The following REEP5 variants were observed in gnomAD, a reference collection of about 807,000 sequenced individuals.
REEP5 encodes receptor accessory protein 5, also known as receptor expression-enhancing protein 5.
Under a neutral mutation model 22.4 loss-of-function variants are expected in REEP5, and 24 were observed. The ratio of observed to expected loss-of-function variants is 1.07; its 90% confidence interval spans 0.78 to 1.51. The LOEUF is 1.51. Among genes scored for constraint, REEP5 ranks in the 40% most tolerant of loss-of-function variants. The pLI is 0.00. For synonymous variants in REEP5, 103 were observed against 88.6 expected, an observed-to-expected ratio of 1.16 and a Z score of -0.92; for missense variants, 252 against 233.0, an observed-to-expected ratio of 1.08 and a Z score of -0.53.
intron 2 of REEP5, among the ~76,000 whole-genome samples, chr5:112,916,229 A>G (rs1248680081): frequency 6.6e-6 from 1 of 152,214 alleles, no homozygotes; most frequent in Non-Finnish European, 1.5e-5. Context: ...TAACTGTGTT[A>G]CAACTCTTGT....
intron 4 of REEP5, chr5:112,885,238 T>C: frequency 6.0e-6 from 1 of 166,976 alleles, no homozygotes; most frequent in South Asian, 1.2e-4. Flanking sequence ...GAGAAGGCAC[T>C]GAGGAGGAAA....
At chr5:112,920,083 G>C (rs1010922270) in intron 2 of REEP5, among the ~76,000 whole-genome samples, 1 of 152,156 alleles carries the variant, frequency 6.6e-6, no homozygotes, top group South Asian at 2.1e-4. Context: ...AGCAGAGCCC[G>C]GGGTAGGCCT....
At chr5:112,896,978 G>T (rs1368921875) in intron 3 of REEP5, 1 of 151,984 alleles carries the variant, frequency 6.6e-6, no homozygotes, top group Non-Finnish European at 1.5e-5. Flanking sequence ...GGTAAACAGA[G>T]GATACAAAGA....
intron 3 of REEP5, chr5:112,893,932 G>C (rs1208626003): frequency 2.0e-4 from 30 of 151,488 alleles, no homozygotes; most frequent in Admixed American, 2.0e-3. Flanking sequence ...CAGAGGTTCA[G>C]AACCTTGGTT....
intron 4 of REEP5, among the ~76,000 whole-genome samples, chr5:112,882,937 C>A (rs1370926785): frequency 6.6e-6 from 1 of 152,168 alleles, no homozygotes; most frequent in African/African-American, 2.4e-5. Context: ...TCACAGCATA[C>A]CATAAAACCT....
At position 112,884,312 on chromosome 5, in the gene REEP5, C is replaced by T. The variant is rs61431998; in HGVS notation, c.520+2703G>A. On this transcript the variant is annotated intron_variant, in intron 4 of 4. Coordinates refer to ENST00000379638, the MANE Select transcript of REEP5 (RefSeq NM_005669.5). ...CCTCTAGATCACTTCTTTTGTTGCTCCCACCTCCGGACTTCTGTATATGCA... is the reference window on the plus strand; with the variant it reads ...CCTCTAGATCACTTCTTTTGTTGCTTCCACCTCCGGACTTCTGTATATGCA... Among the ~76,000 whole-genome samples the T allele has an allele frequency of 6.6e-3, 1,005 of 152,236 alleles. 14 individuals carry two copies. The highest frequency in any genetic ancestry group is 0.023 in the African/African-American group (954 of 41,516).
chr5:112,885,320 T>C, intron 4 of REEP5: 1 of 174,402 alleles, frequency 5.7e-6, no homozygotes, highest in South Asian at 1.0e-4. Context: ...CAGCAAGTGG[T>C]AGATTTAGAA....
intron 2 of REEP5, among the ~76,000 whole-genome samples, chr5:112,908,092 TTG>T (rs796793565): frequency 3.4e-5 from 3 of 89,202 alleles, no homozygotes; most frequent in Admixed American, 1.1e-4. Context: ...GAGACTTTCT[TTG>T]TTTTTTGTTT....
chr5:112,913,024 CCGGGCACAGTGGCTCAT>C (rs1769139956), intron 2 of REEP5, among the ~76,000 whole-genome samples: 1 of 152,184 alleles, frequency 6.6e-6, no homozygotes, highest in Non-Finnish European at 1.5e-5. Flanking sequence ...GAAAGACTGA[CCGGGCACAGTGGCTCAT>C]GTCTGTAATC....
At chr5:112,892,464 A>G (rs201107809) in intron 3 of REEP5, 22 of 1,614,044 alleles carry the variant, frequency 1.4e-5, no homozygotes, top group African/African-American at 8.0e-5. Flanking sequence ...GGGGCAATGT[A>G]TATGTTCAGT....
chr5:112,891,320 A>G (rs1768437970), intron 3 of REEP5, among the ~76,000 whole-genome samples: 1 of 152,016 alleles, frequency 6.6e-6, no homozygotes, highest in Admixed American at 6.6e-5. Context: ...TGATCCGCCC[A>G]TTTCGGCCTC....
At chr5:112,917,132 G>A (rs1017936753) in intron 2 of REEP5, among the ~76,000 whole-genome samples, 5 of 152,190 alleles carry the variant, frequency 3.3e-5, no homozygotes, top group African/African-American at 1.2e-4. Context: ...CTGGACTCTC[G>A]TCTTGAACTC....
At chr5:112,891,541 A>G in intron 3 of REEP5, 1 of 1,487,772 alleles carries the variant, frequency 6.7e-7, no homozygotes, top group Non-Finnish European at 9.1e-7. Flanking sequence ...AACATAAAAT[A>G]TTCATAAGTA....
At chr5:112,879,433 G>A (rs145948533) in intron 4 of REEP5, among the ~76,000 whole-genome samples, 3 of 151,956 alleles carry the variant, frequency 2.0e-5, no homozygotes, top group East Asian at 3.9e-4. Context: ...GGCATACATA[G>A]TATTTCCATA....
chr5:112,897,229 CAG>C (rs1768712425), intron 3 of REEP5: 1 of 152,066 alleles, frequency 6.6e-6, no homozygotes, highest in Admixed American at 6.6e-5. Context: ...CACATACACA[CAG>C]AGTTCTGTTT....
intron 3 of REEP5, 145 bp from the exon 4 acceptor site, chr5:112,887,328 A>G: frequency 1.4e-6 from 1 of 735,580 alleles, no homozygotes; most frequent in Non-Finnish European, 2.0e-6. Flanking sequence ...TGCAGGTTAA[A>G]GGTGGGCTTT....
chr5:112,891,602 G>C (rs1768450276), intron 3 of REEP5: 1 of 1,564,966 alleles, frequency 6.4e-7, no homozygotes, highest in East Asian at 2.4e-5. Context: ...TATTCCCATA[G>C]GTTAAGAATG....
chr5:112,908,031 A>T (rs927112644), intron 2 of REEP5, among the ~76,000 whole-genome samples: 9 of 152,044 alleles, frequency 5.9e-5, no homozygotes, highest in South Asian at 2.1e-4. Flanking sequence ...AAAATTGATT[A>T]AAAAAAGAAG....
chr5:112,899,285 G>A (rs1768789126), intron 3 of REEP5, among the ~76,000 whole-genome samples: 1 of 149,942 alleles, frequency 6.7e-6, no homozygotes, highest in Non-Finnish European at 1.5e-5. Flanking sequence ...TGGTCAACAT[G>A]CTGTGATCTG....
Sources: allele counts gnomAD v4.1 joint callset (sites outside exome capture counted in the v4.1 genomes callset), GRCh38; gene constraint gnomAD v4.1.1; transcripts MANE v1.5; gene names NCBI Gene and HGNC (gene_info 2026-07-23, HGNC 2026-07-21).